DOCK1: variants seen among roughly 807,000 people sequenced by gnomAD.
DOCK1 encodes dedicator of cytokinesis 1.
DOCK1 carries 138 observed loss-of-function variants against 262.7 expected under a neutral mutation model. That is an observed-to-expected ratio of 0.53 (90% CI 0.46 to 0.61). The LOEUF (loss-of-function observed/expected upper bound fraction) is 0.61. DOCK1 is among the 20% of genes least tolerant of loss of function. The pLI is 0.00. For synonymous variants in DOCK1, 866 were observed against 867.4 expected (o/e 1.00, Z 0.03); for missense variants, 1,908 against 2,370.7 (o/e 0.80, Z 4.05).
At chr10:126,979,040 G>A (rs1349566054) in intron 3 of DOCK1, among the ~76,000 whole-genome samples, 1 of 152,212 alleles carries the variant, frequency 6.6e-6, no homozygotes, top group Non-Finnish European at 1.5e-5. Context: ...CAGTGAGCCA[G>A]ATCTGCAAAT....
intron 27 of DOCK1, among the ~76,000 whole-genome samples, chr10:127,184,136 A>G (rs2055994317): frequency 6.6e-6 from 1 of 152,150 alleles, no homozygotes; most frequent in Non-Finnish European, 1.5e-5. Flanking sequence ...CAACCCAGCA[A>G]CACAGCTACT....
At chr10:126,913,153 C>A (rs924522545) in intron 1 of DOCK1, among the ~76,000 whole-genome samples, 2 of 152,188 alleles carry the variant, frequency 1.3e-5, no homozygotes, top group Non-Finnish European at 2.9e-5. Context: ...GAGATCCAAA[C>A]AGGAACTTCA....
At chr10:127,361,790 G>T (rs573017230) in intron 32 of DOCK1, among the ~76,000 whole-genome samples, 1 of 152,158 alleles carries the variant, frequency 6.6e-6, no homozygotes, top group Non-Finnish European at 1.5e-5. Flanking sequence ...ATAAAACAGT[G>T]TTCATCTTCT....
Position 127,339,652 on chromosome 10 carries a change from C to T in DOCK1, c.3123+568C>T, listed in dbSNP as rs532061860. ...GTGTGTGTGTGTGTGTGTGTGTGCG[C>T]GCGCGCATGCATGCTGTAAGGATTG... On this transcript the variant is annotated intron_variant, in intron 30 of 51. Coordinates refer to ENST00000623213, the MANE Select transcript of DOCK1 (RefSeq NM_001290223.2). 7.3e-5 allele frequency among the ~76,000 whole-genome samples: 10 copies of T among 137,826 alleles called. No homozygotes were observed. The East Asian group carries it at 8.2e-4, about 11-fold the overall frequency. 90.4% of individuals were successfully genotyped at this position (137,826 alleles called of 152,430 possible). A position where few individuals can be genotyped will look rare whatever the true frequency, so the allele number is the denominator to read the frequency against.
chr10:127,007,076 G>T (rs1392608017), intron 10 of DOCK1, among the ~76,000 whole-genome samples: 1 of 152,186 alleles, frequency 6.6e-6, no homozygotes, highest in East Asian at 1.9e-4. Context: ...GGCCAGGTGA[G>T]GGCCCGTGTC....
chr10:127,242,444 C>T (rs2059295835), intron 27 of DOCK1, among the ~76,000 whole-genome samples: 1 of 152,168 alleles, frequency 6.6e-6, no homozygotes, highest in Non-Finnish European at 1.5e-5. Context: ...CCATTGTGCT[C>T]TGTTGGCCTT....
chr10:127,093,430 C>T (rs2047703135), intron 23 of DOCK1, among the ~76,000 whole-genome samples: 1 of 151,110 alleles, frequency 6.6e-6, no homozygotes, highest in Non-Finnish European at 1.5e-5. Flanking sequence ...CAGCTTACTG[C>T]AAACCTCCAC....
chr10:127,266,789 G>C (rs956177667), intron 29 of DOCK1, among the ~76,000 whole-genome samples: 2 of 152,152 alleles, frequency 1.3e-5, no homozygotes, highest in African/African-American at 4.8e-5. Context: ...TTTTACTACA[G>C]CTCATGCACT....
chr10:127,207,962 G>T (rs1009741991), intron 27 of DOCK1, among the ~76,000 whole-genome samples: 36 of 152,196 alleles, frequency 2.4e-4, no homozygotes, highest in South Asian at 2.1e-4. Context: ...GATCACAGGA[G>T]AATTCAGTGT....
At chr10:127,130,065 CTTTTT>C (rs74721427) in intron 27 of DOCK1, among the ~76,000 whole-genome samples, 5,853 of 115,814 alleles carry the variant, frequency 0.051, 121 homozygotes, top group Non-Finnish European at 0.07. Flanking sequence ...TTAGGGTCTT[CTTTTT>C]TTTTTTTTTT....
intron 38 of DOCK1, 41 bp downstream of exon 38, chr10:127,384,950 A>C: frequency 6.5e-7 from 1 of 1,537,622 alleles, no homozygotes; most frequent in Non-Finnish European, 8.7e-7. Context: ...TCCTCTTTCC[A>C]TGCACCTACC....
intron 23 of DOCK1, among the ~76,000 whole-genome samples, chr10:127,086,866 A>C (rs866550436): frequency 6.6e-6 from 1 of 152,236 alleles, no homozygotes; most frequent in South Asian, 2.1e-4. Context: ...ATAGGCATGC[A>C]TAATTAAATT....
intron 6 of DOCK1, among the ~76,000 whole-genome samples, chr10:126,991,541 T>G (rs10829592): frequency 0.3 from 45,032 of 151,660 alleles, 7,007 homozygotes; most frequent in East Asian, 0.58. Context: ...TTGTTTGTTT[T>G]TTTTTGAGAT....
chr10:127,109,288 A>C (rs2048725890), intron 24 of DOCK1, among the ~76,000 whole-genome samples: 1 of 152,130 alleles, frequency 6.6e-6, no homozygotes, highest in Non-Finnish European at 1.5e-5. Context: ...TGCCCATTTT[A>C]ATTTGTGTTT....
intron 23 of DOCK1, among the ~76,000 whole-genome samples, chr10:127,076,718 C>T (rs1469080672): frequency 6.6e-6 from 1 of 152,152 alleles, no homozygotes; most frequent in Admixed American, 6.5e-5. Context: ...TGGAGCTGCT[C>T]CATTGAAACC....
At chr10:127,383,863 C>T (rs2065954261) in intron 37 of DOCK1, among the ~76,000 whole-genome samples, 2 of 152,210 alleles carry the variant, frequency 1.3e-5, no homozygotes, top group Admixed American at 6.5e-5. Flanking sequence ...ATGCCTCCTG[C>T]CCGTAGGTGC....
intron 43 of DOCK1, among the ~76,000 whole-genome samples, chr10:127,411,468 A>T (rs7922425): frequency 6.6e-6 from 1 of 152,038 alleles, no homozygotes; most frequent in African/African-American, 2.4e-5. Flanking sequence ...CATCCAGTGC[A>T]TCCAGGGATG....
chr10:127,339,733 G>GTGTGTGTGTGTGTGTGTGTGCGCA (rs71032552), intron 30 of DOCK1, among the ~76,000 whole-genome samples: 1 of 109,230 alleles, frequency 9.2e-6, no homozygotes, highest in East Asian at 3.5e-4. Flanking sequence ...GTGTGTGTGT[G>GTGTGTGTGTGTGTGTGTGTGCGCA]TGCATGCTGT....
intron 25 of DOCK1, among the ~76,000 whole-genome samples, chr10:127,112,343 C>T (rs749473900): frequency 6.6e-6 from 1 of 152,130 alleles, no homozygotes; most frequent in Non-Finnish European, 1.5e-5. Flanking sequence ...AAAACTTGCT[C>T]ATTTCTTTAG....
Sources: gnomAD v4.1 joint callset for allele counts (sites outside exome capture counted in the v4.1 genomes callset) on GRCh38, gnomAD v4.1.1 for gene constraint, MANE v1.5 for transcripts, NCBI Gene and HGNC (gene_info 2026-07-23, HGNC 2026-07-21) for gene names.